Variants in ACOT6 observed in about 807,000 individuals in gnomAD.
The protein encoded by ACOT6 is acyl-CoA thioesterase 6, also known as acyl-coenzyme A thioesterase 6.
In ACOT6, 14 loss-of-function variants were observed where a neutral mutation model predicts 12.3. The observed-to-expected ratio is 1.14, with a 90% CI of 0.75 to 1.78. The LOEUF (loss-of-function observed/expected upper bound fraction) is 1.78, where lower values mean the gene tolerates loss of function less well. ACOT6 is among the 40% of genes most tolerant of loss of function. ACOT6 has a pLI of 0.00. For synonymous variants in ACOT6, 218 were observed against 231.3 expected (o/e 0.94, Z 0.52); for missense variants, 523 against 551.8 (o/e 0.95, Z 0.52).
chr14:73,614,048 A>AAAAC (rs1566870202), intron 1 of ACOT6, among the ~76,000 whole-genome samples: 12 of 143,848 alleles, frequency 8.3e-5, no homozygotes, highest in African/African-American at 2.6e-4. Flanking sequence ...AAAAAAAAAA[A>AAAAC]AAATTAGGCA....
intron 1 of ACOT6, among the ~76,000 whole-genome samples, chr14:73,615,776 G>A (rs1009832716): frequency 2.6e-5 from 4 of 151,938 alleles, no homozygotes; most frequent in Admixed American, 6.6e-5. Context: ...AACAGGCTGA[G>A]TGCAGTGGCT....
upstream of ACOT6, chr14:73,610,996 G>A (rs1256885500): frequency 6.6e-6 from 1 of 152,150 alleles, no homozygotes; most frequent in African/African-American, 2.4e-5. Flanking sequence ...TTGGGGGACT[G>A]GTTTCCAATG....
rs150034775 is a variant in ACOT6, at chr14:73,619,436, G to A, written c.863G>A (p.Gly288Glu). 6.8e-5 allele frequency: 110 copies of A among 1,614,048 alleles called. No homozygotes were observed. The highest frequency in any genetic ancestry group is 8.9e-5 in the Non-Finnish European group (105 of 1,180,018). The part of the protein sequence containing the change: ...DLGKVKITKS[G>E]FLTFMDTWSN... ...GGAAAAGTAAAAATCACTAAGTCAG[G>A]ATTTCTCACTTTTATGGACACTTGG... Residue 288 changes from glycine to glutamate, a missense_variant, in exon 3 of 3, where the codon GGA becomes GAA. Around this residue, in one of 2 missense-constraint regions of ACOT6, gnomAD observed 219 missense variants for 277.0 expected, o/e 0.79. Coordinates refer to ENST00000645972, the MANE Select transcript of ACOT6 (RefSeq NM_001365788.1).
At chr14:73,615,535 A>T (rs1019594093) in intron 1 of ACOT6, among the ~76,000 whole-genome samples, 1 of 152,000 alleles carries the variant, frequency 6.6e-6, no homozygotes, top group South Asian at 2.1e-4. Flanking sequence ...GTTTGAGACC[A>T]GCCTCACCAA....
upstream of ACOT6, among the ~76,000 whole-genome samples, chr14:73,611,753 T>C (rs1162043330): frequency 3.9e-5 from 6 of 152,228 alleles, no homozygotes; most frequent in East Asian, 1.2e-3. Flanking sequence ...TCACCAGGTA[T>C]TAATATTAAG....
Position 73,612,880 on chromosome 14 carries a change from C to T in ACOT6, c.309C>T (p.Ala103=). ...AGCGCGACGTGCGGACGCCCTTCGC[C>T]GTGGAGCTGGAAGTGCTGGACGGCC... ...LVKRDVRTPF[A]VELEVLDGHD... The change falls in exon 1 of 3, where the codon GCC becomes GCT. Residue 103 remains alanine, a synonymous_variant. Transcript: ENST00000645972. 7.2e-7 allele frequency: 1 copy of T among 1,397,254 alleles called. No individual in the cohort carries two copies. The highest frequency in any genetic ancestry group is 9.6e-7 in the Non-Finnish European group (1 of 1,045,936). The allele number at this position is 1,397,254 out of a possible 1,614,324, so 86.6% of individuals were successfully genotyped here. A position where few individuals can be genotyped will look rare whatever the true frequency, so the allele number is the denominator to read the frequency against.
intron 1 of ACOT6, among the ~76,000 whole-genome samples, chr14:73,615,654 C>T (rs181330968): frequency 2.0e-3 from 302 of 151,682 alleles, no homozygotes; most frequent in Non-Finnish European, 3.2e-3. Flanking sequence ...CGCTTGAACC[C>T]GGGGGGAGAC....
intron 1 of ACOT6, among the ~76,000 whole-genome samples, chr14:73,615,929 G>A (rs1450506070): frequency 6.6e-6 from 1 of 152,064 alleles, no homozygotes; most frequent in East Asian, 1.9e-4. Context: ...GCCAAGCATA[G>A]GGGCCTAGCT....
chr14:73,616,519 C>G (rs1890543637), intron 1 of ACOT6, among the ~76,000 whole-genome samples: 1 of 151,794 alleles, frequency 6.6e-6, no homozygotes, highest in Admixed American at 6.6e-5. Flanking sequence ...ATGGCAAAAC[C>G]CAGTCTCTAC....
Position 73,619,583 on chromosome 14 carries a change from T to C in ACOT6, c.1010T>C (p.Ile337Thr). ...QSWKSEFYAQ[I>T]ASERLQAHGK... ...TGGAAGAGTGAATTCTATGCTCAGATAGCCTCTGAAAGGCTACAAGCTCAT... is the reference window on the plus strand; with the variant it reads ...TGGAAGAGTGAATTCTATGCTCAGACAGCCTCTGAAAGGCTACAAGCTCAT... The change falls in exon 3 of 3, where the codon ATA (isoleucine) becomes ACA (threonine). Residue 337 changes from isoleucine to threonine, a missense_variant. By Grantham distance (89) the Ile-to-Thr change is moderately conservative. This residue lies in a region of ACOT6 where 219 missense variants were observed against 277.0 expected (regional missense o/e 0.79). Coordinates refer to ENST00000645972, the MANE Select transcript of ACOT6 (RefSeq NM_001365788.1). 6.2e-7 allele frequency: 1 copy of C among 1,614,218 alleles called. No homozygotes were observed. Among genetic ancestry groups the C allele is most frequent in the Non-Finnish European group, 8.5e-7 (1 of 1,180,036 alleles).
At position 73,619,565 on chromosome 14, in the gene ACOT6, G is replaced by A; in HGVS notation, c.992G>A (p.Ser331Asn). 6.2e-7 allele frequency: 1 copy of A among 1,614,232 alleles called. No homozygotes were observed. Among genetic ancestry groups the A allele is most frequent in the African/African-American group, 1.3e-5 (1 of 75,064 alleles). The change falls in exon 3 of 3, where the codon AGT becomes AAT. Residue 331 changes from serine to asparagine, a missense_variant. By Grantham distance (46) the Ser-to-Asn change is conservative (BLOSUM62 1). Around this residue, in one of 2 missense-constraint regions of ACOT6, gnomAD observed 219 missense variants for 277.0 expected, o/e 0.79. Transcript: ENST00000645972. ...IVGMDDQSWKSEFYAQIASER... is the reference protein window; with the variant it reads ...IVGMDDQSWKNEFYAQIASER... ...GGCATGGATGATCAAAGCTGGAAGA[G>A]TGAATTCTATGCTCAGATAGCCTCT...
chr14:73,615,114 G>T (rs1344778941), intron 1 of ACOT6, among the ~76,000 whole-genome samples: 1 of 150,472 alleles, frequency 6.6e-6, no homozygotes, highest in Non-Finnish European at 1.5e-5. Flanking sequence ...GCGGCCAGGC[G>T]CGGTGGCTCA....
rs749746870 is a variant in ACOT6, at chr14:73,619,290, C to T, written c.717C>T (p.Leu239=). 1 of 1,611,946 alleles carries T rather than the reference C, an allele frequency of 6.2e-7. No individual in the cohort carries two copies. The highest frequency in any genetic ancestry group is 1.7e-5 in the Admixed American group (1 of 59,466). The change falls in exon 3 of 3, where the codon CTC becomes CTT. Residue 239 remains leucine, a synonymous_variant. Coordinates refer to ENST00000645972, the MANE Select transcript of ACOT6 (RefSeq NM_001365788.1). Reference sequence around the variant, plus strand: ...TTTCCAAAGGAGGTGACCTGTGTCTCTCAATGGCTTCTTTCTTGAAGGGCA... The same window carrying T: ...TTTCCAAAGGAGGTGACCTGTGTCTTTCAATGGCTTCTTTCTTGAAGGGCA... The part of the protein sequence containing the change: ...LGFSKGGDLC[L]SMASFLKGIT...
chr14:73,612,804 T>G lies in ACOT6; in HGVS notation c.233T>G (p.Met78Arg). The change falls in exon 1 of 3, where the codon ATG (methionine) becomes AGG (arginine). Residue 78 changes from methionine (M) to arginine (R), a missense_variant. By Grantham distance (91) the Met-to-Arg change is moderately conservative. Transcript: ENST00000645972. ...GGCAGCTTCGCGGGGCTCCAGCCCA[T>G]GGGGCTGCTGTGGGCGTTGGAGCCC... ...LGGSFAGLQP[M>R]GLLWALEPEK... is the part of the protein sequence containing the mutation. 7.1e-7 allele frequency: 1 copy of G among 1,402,850 alleles called. No individual in the cohort carries two copies. The highest frequency in any genetic ancestry group is 9.3e-7 in the Non-Finnish European group (1 of 1,073,386). 86.9% of individuals were successfully genotyped at this position (1,402,850 alleles called of 1,614,324 possible). A position where few individuals can be genotyped will look rare whatever the true frequency, so the allele number is the denominator to read the frequency against.
chr14:73,612,095 A>G (rs1486055662), upstream of ACOT6, among the ~76,000 whole-genome samples: 2 of 150,980 alleles, frequency 1.3e-5, no homozygotes, highest in East Asian at 3.9e-4. Flanking sequence ...AGGCTGGAGT[A>G]CAATGGTGCA....
intron 2 of ACOT6, 77 bp from the exon 3 acceptor site, chr14:73,619,157 T>G: frequency 4.7e-6 from 7 of 1,483,114 alleles, no homozygotes; most frequent in Non-Finnish European, 5.4e-6. Flanking sequence ...GAAAGCTACT[T>G]GGAGAATGTA....
In ACOT6 at chr14:73,612,897, T is replaced by C. The variant is rs1191828242; in HGVS notation, c.326T>C (p.Leu109Pro). Residue 109 changes from leucine (L) to proline (P), a missense_variant, in exon 1 of 3, where the codon CTG becomes CCG. Around this residue, in one of 2 missense-constraint regions of ACOT6, gnomAD observed 304 missense variants for 274.8 expected, o/e 1.11. Transcript: ENST00000645972. Reference sequence around the variant, plus strand: ...CCCTTCGCCGTGGAGCTGGAAGTGCTGGACGGCCACGACACCGAGCCCGGG... The same window carrying C: ...CCCTTCGCCGTGGAGCTGGAAGTGCCGGACGGCCACGACACCGAGCCCGGG... ...RTPFAVELEVLDGHDTEPGRL... is the reference protein window; with the variant it reads ...RTPFAVELEVPDGHDTEPGRL... 1.1e-5 allele frequency: 15 copies of C among 1,379,210 alleles called. No homozygotes were observed. In the East Asian group the frequency reaches 4.5e-4, roughly 41 times the overall value. 85.4% of individuals were successfully genotyped at this position (1,379,210 alleles called of 1,614,324 possible). A position where few individuals can be genotyped will look rare whatever the true frequency, so the allele number is the denominator to read the frequency against.
chr14:73,611,882 C>T (rs544628354), upstream of ACOT6, among the ~76,000 whole-genome samples: 1 of 152,096 alleles, frequency 6.6e-6, no homozygotes, highest in Non-Finnish European at 1.5e-5. Context: ...GGACGGATTA[C>T]GACCATGTTT....
chr14:73,612,627 T>C lies in ACOT6; in HGVS notation c.56T>C (p.Leu19Pro), dbSNP rs1595184640. The C allele has an allele frequency of 2.1e-6, 3 of 1,409,736 alleles. No homozygotes were observed. The highest frequency in any genetic ancestry group is 2.9e-5 in the South Asian group (2 of 69,076). The allele number at this position is 1,409,736 out of a possible 1,614,324, so 87.3% of individuals were successfully genotyped here. Residue 19 changes from leucine to proline, a missense_variant, in exon 1 of 3, where the codon CTG becomes CCG. Physicochemically the swap from Leu to Pro is moderately conservative, Grantham distance 98. Around this residue, in one of 2 missense-constraint regions of ACOT6, gnomAD observed 304 missense variants for 274.8 expected, o/e 1.11. Coordinates refer to ENST00000645972, the MANE Select transcript of ACOT6 (RefSeq NM_001365788.1). ...PAGRCCWDEP[L>P]RIAVRGLAPE... The stretch of plus-strand genomic sequence containing the variant: ...GGCCGCTGCTGCTGGGACGAGCCGC[T>C]GCGCATCGCAGTGCGCGGCCTGGCC...
Sources: gnomAD v4.1 joint callset for allele counts (sites outside exome capture counted in the v4.1 genomes callset) on GRCh38, gnomAD v4.1.1 for gene constraint, gnomAD v4.1.1 regional missense constraint, MANE v1.5 for transcripts, NCBI Gene and HGNC (gene_info 2026-07-23, HGNC 2026-07-21) for gene names.